Variants in PABPC4 observed in about 807,000 individuals in gnomAD.
PABPC4 encodes polyadenylate-binding protein 4.
In PABPC4, 15 loss-of-function variants were observed where a neutral mutation model predicts 74.5. That is an observed-to-expected ratio of 0.20 (90% CI 0.13 to 0.31). The LOEUF (loss-of-function observed/expected upper bound fraction) is 0.31, where lower values mean the gene tolerates loss of function less well. Among genes scored for constraint, PABPC4 ranks in the 10% least tolerant of loss-of-function variants. PABPC4 has a pLI of 1.00. For synonymous variants in PABPC4, 345 were observed against 303.0 expected, an observed-to-expected ratio of 1.14 and a Z score of -1.44; for missense variants, 610 against 853.5, an observed-to-expected ratio of 0.71 and a Z score of 3.55.
At chr1:39,561,826 G>A (rs1645773803) in intron 14 of PABPC4, 39 bp from the exon 15 acceptor site, 1 of 1,550,998 alleles carries the variant, frequency 6.4e-7, no homozygotes, top group African/African-American at 1.4e-5. Context: ...ATCTAGGAGA[G>A]CTACTCCACC....
Position 39,575,660 on chromosome 1 carries a change from T to C in PABPC4, c.193+99A>G, listed in dbSNP as rs371456377. On this transcript the variant is annotated intron_variant, in intron 1 of 15. Transcript: ENST00000372858. ...GCTCCCAGCTTCGGTGGCAACATGC[T>C]GTCGTGATGCCGCCCTCCTCGGCAG... 45 of 972,978 alleles carry C rather than the reference T, an allele frequency of 4.6e-5. No homozygotes were observed. The South Asian group carries it at 7.8e-4, about 17-fold the overall frequency. The allele number at this position is 972,978 out of a possible 1,614,324, so 60.3% of individuals were successfully genotyped here.
chr1:39,568,948 G>A lies in PABPC4; in HGVS notation c.739-9C>T, dbSNP rs1240492510. 3.1e-6 allele frequency: 5 copies of A among 1,602,042 alleles called. No individual in the cohort carries two copies. The highest frequency in any genetic ancestry group is 4.5e-5 in the East Asian group (2 of 44,654). On this transcript the variant is annotated splice_polypyrimidine_tract_variant and intron_variant, in intron 5 of 15. Transcript: ENST00000372858. ...TTCATCTCTTCCACAGCCTAGAGAG[G>A]AAAAATATGTCTTTAAAATAAAGTT...
At chr1:39,570,916 G>A (rs1163078368) in intron 3 of PABPC4, among the ~76,000 whole-genome samples, 1 of 152,258 alleles carries the variant, frequency 6.6e-6, no homozygotes, top group Non-Finnish European at 1.5e-5. Flanking sequence ...CTCTGCCGCT[G>A]GCCAAGACCC....
intron 7 of PABPC4, among the ~76,000 whole-genome samples, chr1:39,567,050 C>T (rs781312925): frequency 3.3e-5 from 5 of 152,106 alleles, no homozygotes; most frequent in African/African-American, 4.8e-5. Context: ...TTAGCAAGAC[C>T]GGCGTCTGCA....
chr1:39,561,431 CTCT>C, intron 15 of PABPC4: 1 of 450,624 alleles, frequency 2.2e-6, no homozygotes, highest in South Asian at 2.4e-5. Flanking sequence ...ATTTTACTGT[CTCT>C]TCTTTCCCTA....
At chr1:39,564,077 C>G (rs1172997469) in intron 10 of PABPC4, 155 bp from the exon 11 acceptor site, 3 of 653,276 alleles carry the variant, frequency 4.6e-6, no homozygotes, top group Non-Finnish European at 8.0e-6. Context: ...ACATACAACT[C>G]TTTCCACATC....
At chr1:39,564,567 C>T in intron 9 of PABPC4, 25 bp from the exon 10 acceptor site, 1 of 1,613,664 alleles carries the variant, frequency 6.2e-7, no homozygotes, top group Non-Finnish European at 8.5e-7. Context: ...AATTGCACAT[C>T]ATTGAGAAGT....
rs1228741623 is a variant in PABPC4, at chr1:39,576,295, T to G, written c.-344A>C. The G allele has an allele frequency of 3.4e-5, 7 of 204,386 alleles. No homozygotes were observed. In the East Asian group the frequency reaches 7.4e-4, roughly 22 times the overall value. 12.7% of individuals were successfully genotyped at this position (204,386 alleles called of 1,614,324 possible). On this transcript the variant is annotated 5_prime_UTR_variant, in exon 1 of 16. Transcript: ENST00000372858. Reference sequence around the variant, plus strand: ...TCCCCTTCCGAAGGGTAAAAATCCTTTAAGAGGCGACCGGACGCTGCCCAC... The same window carrying G: ...TCCCCTTCCGAAGGGTAAAAATCCTGTAAGAGGCGACCGGACGCTGCCCAC...
chr1:39,570,183 C>A (rs1211031647), intron 3 of PABPC4, among the ~76,000 whole-genome samples, 181 bp from the exon 4 acceptor site: 1 of 152,214 alleles, frequency 6.6e-6, no homozygotes, highest in Admixed American at 6.5e-5. Flanking sequence ...GCAGGACTAT[C>A]CTGTGAGGAC....
chr1:39,573,251 C>CA (rs1221812946), intron 1 of PABPC4: 1 of 151,340 alleles, frequency 6.6e-6, no homozygotes. Flanking sequence ...TTGACTTAAA[C>CA]AAAAAAGCAT....
intron 15 of PABPC4, 144 bp downstream of exon 15, chr1:39,561,541 G>T (rs1194124092): frequency 3.1e-6 from 2 of 635,592 alleles, no homozygotes; most frequent in African/African-American, 1.8e-5. Context: ...GAAGTCACCT[G>T]CAACACACTC....
Position 39,575,827 on chromosome 1 carries a change from A to T in PABPC4, c.125T>A (p.Val42Asp), listed in dbSNP as rs768184551. The T allele has an allele frequency of 6.2e-7, 1 of 1,611,346 alleles. No homozygotes were observed. The highest frequency in any genetic ancestry group is 8.5e-7 in the Non-Finnish European group (1 of 1,179,204). ...SPAGPVLSIRVCRDMITRRSL... is the reference protein window; with the variant it reads ...SPAGPVLSIRDCRDMITRRSL... ...GCGGCGGGTGATCATATCGCGGCAG[A>T]CCCGGATGGACAGCACAGGCCCCGC... Residue 42 changes from valine to aspartate, a missense_variant, in exon 1 of 16, where the codon GTC becomes GAC. Physicochemically the swap from Val to Asp is radical, Grantham distance 152. Around this residue, in one of 4 missense-constraint regions of PABPC4, gnomAD observed 304 missense variants for 478.9 expected, o/e 0.63. Coordinates refer to ENST00000372858, the MANE Select transcript of PABPC4 (RefSeq NM_001135653.2).
intron 3 of PABPC4, chr1:39,570,999 T>C: frequency 1.5e-6 from 2 of 1,328,764 alleles, no homozygotes; most frequent in Non-Finnish European, 2.0e-6. Flanking sequence ...CACAGACAGA[T>C]GCCTTTAAGG....
rs757466389 is a variant in PABPC4 at position 39,568,947 on chromosome 1, G to C, written c.739-8C>G. ...ATTCATCTCTTCCACAGCCTAGAGAGGAAAAATATGTCTTTAAAATAAAGT... is the reference window on the plus strand; with the variant it reads ...ATTCATCTCTTCCACAGCCTAGAGACGAAAAATATGTCTTTAAAATAAAGT... On this transcript the variant is annotated splice_polypyrimidine_tract_variant and splice_region_variant and intron_variant, in intron 5 of 15. Coordinates refer to ENST00000372858, the MANE Select transcript of PABPC4 (RefSeq NM_001135653.2). 3 of 1,601,726 alleles carry C rather than the reference G, an allele frequency of 1.9e-6. No individual in the cohort carries two copies. The highest frequency in any genetic ancestry group is 2.3e-5 in the South Asian group (2 of 88,566).
At position 39,576,111 on chromosome 1, in the gene PABPC4, G is replaced by A. The variant is rs1377676075; in HGVS notation, c.-160C>T. 1 of 526,566 alleles carries A rather than the reference G, an allele frequency of 1.9e-6. No homozygotes were observed. Among genetic ancestry groups the A allele is most frequent in the South Asian group, 2.6e-5 (1 of 38,866 alleles). 32.6% of individuals were successfully genotyped at this position (526,566 alleles called of 1,614,324 possible). A position where few individuals can be genotyped will look rare whatever the true frequency, so the allele number is the denominator to read the frequency against. The stretch of plus-strand genomic sequence containing the variant: ...GAGTCGGCGGGCTTGGAGACGGGAC[G>A]GAAACGGGAGGCGGGGGCCGGCTCC... On this transcript the variant is annotated 5_prime_UTR_variant, in exon 1 of 16. Coordinates refer to ENST00000372858, the MANE Select transcript of PABPC4 (RefSeq NM_001135653.2).
rs955436104 is a variant in PABPC4, at chr1:39,576,750, C to A, written c.-799G>T. Reference sequence around the variant, plus strand: ...TCTTTTTTTCCTCAGGCTGCGAAGCCCGAAAGCGGCGGAGGCGGCAGCGAC... The same window carrying A: ...TCTTTTTTTCCTCAGGCTGCGAAGCACGAAAGCGGCGGAGGCGGCAGCGAC... On this transcript the variant is annotated 5_prime_UTR_variant, in exon 1 of 16. Coordinates refer to ENST00000372858, the MANE Select transcript of PABPC4 (RefSeq NM_001135653.2). 3 of 150,106 alleles carry A rather than the reference C, an allele frequency of 2.0e-5. No individual in the cohort carries two copies. Among genetic ancestry groups the A allele is most frequent in the Non-Finnish European group, 4.5e-5 (3 of 67,372 alleles). 9.3% of individuals were successfully genotyped at this position (150,106 alleles called of 1,614,324 possible).
intron 5 of PABPC4, 101 bp downstream of exon 5, chr1:39,569,494 A>ATAC (rs1320560338): frequency 2.5e-6 from 2 of 802,734 alleles, no homozygotes; most frequent in African/African-American, 3.4e-5. Flanking sequence ...CTACTACCAG[A>ATAC]TACTCAGACC....
rs1329859498 is a variant in PABPC4 at position 39,571,271 on chromosome 1, C to G, written c.466G>C (p.Glu156Gln). 6.2e-7 allele frequency: 1 copy of G among 1,614,208 alleles called. No individual in the cohort carries two copies. The highest frequency in any genetic ancestry group is 2.2e-5 in the East Asian group (1 of 44,886). ...TTGAGGAGCATGCCATTCATCTTCT[C>G]GATGGCCTTGTCGGCAGCCTCTTGG... is the stretch of plus-strand genomic sequence containing the variant. ...ETQEAADKAIEKMNGMLLNDR... is the reference protein window; with the variant it reads ...ETQEAADKAIQKMNGMLLNDR... The change falls in exon 3 of 16, where the codon GAG becomes CAG. Residue 156 changes from glutamate (E) to glutamine (Q), a missense_variant. Transcript: ENST00000372858.
chr1:39,565,211 G>A lies in PABPC4; in HGVS notation c.1140C>T (p.Asn380=), dbSNP rs777439820. The stretch of plus-strand genomic sequence containing the variant: ...TTCCAGCCACTCGTTGCATATACTG[G>A]TTGGTCAGGTGAGCCTTTCTCTCTT... The part of the protein sequence containing the change: ...RKEERKAHLT[N]QYMQRVAGMR... The change falls in exon 8 of 16, where the codon AAC becomes AAT. Residue 380 remains asparagine, a synonymous_variant. Transcript: ENST00000372858. The A allele has an allele frequency of 6.2e-6, 10 of 1,614,064 alleles. No homozygotes were observed. In the East Asian group the frequency reaches 1.3e-4, roughly 22 times the overall value.
Sources: gnomAD v4.1 joint callset for allele counts (sites outside exome capture counted in the v4.1 genomes callset) on GRCh38, gnomAD v4.1.1 for gene constraint, gnomAD v4.1.1 regional missense constraint, MANE v1.5 for transcripts, NCBI Gene and HGNC (gene_info 2026-07-23, HGNC 2026-07-21) for gene names.